LRIG3: variants seen among roughly 807,000 people sequenced by gnomAD.
LRIG3 encodes leucine rich repeats and immunoglobulin like domains 3.
Under a neutral mutation model 114.5 loss-of-function variants are expected in LRIG3, and 76 were observed. The observed-to-expected ratio is 0.66, with a 90% CI of 0.55 to 0.80. The LOEUF (loss-of-function observed/expected upper bound fraction) is 0.80, where lower values mean the gene tolerates loss of function less well. Among genes scored for constraint, LRIG3 ranks in the 30% least tolerant of loss-of-function variants. LRIG3 has a pLI of 0.00. For missense variants in LRIG3, 1,239 were observed against 1,382.8 expected (o/e 0.90, Z 1.65); for synonymous variants, 512 against 519.8 (o/e 0.98, Z 0.20).
chr12:58,877,913 T>C (rs1592293501), intron 14 of LRIG3, 61 bp from the exon 15 acceptor site: 2 of 1,471,910 alleles, frequency 1.4e-6, no homozygotes, highest in Middle Eastern at 2.0e-4. Flanking sequence ...TATCATAAAA[T>C]GTAGCATTTA....
At chr12:58,889,808 G>T (rs1871391552) in intron 5 of LRIG3, among the ~76,000 whole-genome samples, 188 bp downstream of exon 5, 1 of 152,010 alleles carries the variant, frequency 6.6e-6, no homozygotes, top group South Asian at 2.1e-4. Context: ...AGCAGCAGCT[G>T]GCACGAGGTG....
At position 58,883,569 on chromosome 12, in the gene LRIG3, T is replaced by C. The variant is rs1230408875; in HGVS notation, c.1267A>G (p.Met423Val). The change falls in exon 11 of 19, where the codon ATG (methionine) becomes GTG (valine). Residue 423 changes from methionine to valine, a missense_variant. Transcript: ENST00000320743. ...EHLDLSDNAI[M>V]SLQGNAFSQM... ...GAAAATGCATTGCCTTGTAAAGACA[T>C]GATTGCGTTGTCACTCAGGTCTCTG... 1.9e-6 allele frequency: 3 copies of C among 1,550,130 alleles called. No individual in the cohort carries two copies.
At chr12:58,910,598 ACTCCGT>A (rs1872239805) in intron 3 of LRIG3, among the ~76,000 whole-genome samples, 1 of 151,866 alleles carries the variant, frequency 6.6e-6, no homozygotes, top group Non-Finnish European at 1.5e-5. Flanking sequence ...ACACTGCGAG[ACTCCGT>A]CTCAAAAAAA....
chr12:58,887,961 CTTTTATT>C (rs779834464), intron 7 of LRIG3, 29 bp from the exon 8 acceptor site: 1 of 1,597,492 alleles, frequency 6.3e-7, no homozygotes, highest in Non-Finnish European at 8.6e-7. Context: ...AAAGCAATAG[CTTTTATT>C]TTTCAATTCA....
intron 3 of LRIG3, among the ~76,000 whole-genome samples, chr12:58,908,236 A>T (rs1872140494): frequency 1.3e-5 from 2 of 152,212 alleles, no homozygotes; most frequent in Admixed American, 6.5e-5. Context: ...TTATGACACC[A>T]GCAAGGTACT....
rs768841082 is a variant in LRIG3, at chr12:58,914,255, G to A, written c.308+10C>T. On this transcript the variant is annotated intron_variant, in intron 2 of 18. Coordinates refer to ENST00000320743, the MANE Select transcript of LRIG3 (RefSeq NM_153377.5). ...ACTCAAACCTTAAAAACAAAATAAC[G>A]AAGACTCACACTTCTCGAAGGCTTT... The A allele has an allele frequency of 3.1e-6, 5 of 1,612,710 alleles. No individual in the cohort carries two copies. Among genetic ancestry groups the A allele is most frequent in the African/African-American group, 2.7e-5 (2 of 74,934 alleles).
At chr12:58,909,632 C>CT (rs1872197199) in intron 3 of LRIG3, among the ~76,000 whole-genome samples, 2 of 152,220 alleles carry the variant, frequency 1.3e-5, no homozygotes, top group African/African-American at 4.8e-5. Flanking sequence ...TGCAAGACAG[C>CT]TTTACCTGTA....
rs116527256 is a variant in LRIG3, at chr12:58,899,284, A to G, written c.384-8488T>C. ...TTCAATCTAGAAATGTATATTCCTC[A>G]CTTCCAGGAAATTCAAAATTTTGTA... On this transcript the variant is annotated intron_variant, in intron 3 of 18. Coordinates refer to ENST00000320743, the MANE Select transcript of LRIG3 (RefSeq NM_153377.5). Among the ~76,000 whole-genome samples, 494 of 152,304 alleles carry G rather than the reference A, an allele frequency of 3.2e-3. 1 individual carries two copies. The highest frequency in any genetic ancestry group is 0.012 in the African/African-American group (480 of 41,564).
chr12:58,884,326 G>A (rs752639161), intron 10 of LRIG3, among the ~76,000 whole-genome samples: 2 of 152,168 alleles, frequency 1.3e-5, no homozygotes, highest in Admixed American at 6.5e-5. Flanking sequence ...TCACCACAAT[G>A]ATTACCACTC....
chr12:58,879,337 T>C (rs1592294270), intron 13 of LRIG3, among the ~76,000 whole-genome samples: 1 of 152,166 alleles, frequency 6.6e-6, no homozygotes, highest in Admixed American at 6.5e-5. Context: ...AAAACAGAGG[T>C]CATCTGATTC....
intron 8 of LRIG3, chr12:58,887,141 T>TGG: frequency 4.6e-6 from 2 of 438,972 alleles, no homozygotes; most frequent in Non-Finnish European, 8.1e-6. Flanking sequence ...TCTATCAAAA[T>TGG]GACTACATTC....
In LRIG3 at chr12:58,886,891, CTAATTT is replaced by C; in HGVS notation, c.1092-7_1092-2del. On this transcript the variant is annotated splice_acceptor_variant and splice_polypyrimidine_tract_variant and intron_variant, in intron 8 of 18. Coordinates refer to ENST00000320743, the MANE Select transcript of LRIG3 (RefSeq NM_153377.5). LOFTEE classifies it high-confidence loss of function. ...GGAAATTTCATTGTTCTTCAGATCC[CTAATTT>C]TAAAAGAAGCATTCCCTTTAGAGTG... The C allele has an allele frequency of 6.2e-7, 1 of 1,611,696 alleles. No individual in the cohort carries two copies. The highest frequency in any genetic ancestry group is 1.3e-5 in the African/African-American group (1 of 74,926).
rs1284484027 is a variant in LRIG3 at position 58,920,250 on chromosome 12, C to G, written c.-15G>C. On this transcript the variant is annotated 5_prime_UTR_variant, in exon 1 of 19. Coordinates refer to ENST00000320743, the MANE Select transcript of LRIG3 (RefSeq NM_153377.5). ...GGCGCGCTCATCGCGGTCCAGCGGC[C>G]TAGGTCTCTACCCGAAGCTCCCAGC... The G allele has an allele frequency of 2.2e-6, 3 of 1,352,108 alleles. No individual in the cohort carries two copies. In the African/African-American group the frequency reaches 4.6e-5, roughly 21 times the overall value. The allele number at this position is 1,352,108 out of a possible 1,614,324, so 83.8% of individuals were successfully genotyped here. A position where few individuals can be genotyped will look rare whatever the true frequency, so the allele number is the denominator to read the frequency against.
chr12:58,890,661 T>G lies in LRIG3; in HGVS notation c.515+4A>C. 6.4e-7 allele frequency: 1 copy of G among 1,565,690 alleles called. No homozygotes were observed. The highest frequency in any genetic ancestry group is 8.6e-7 in the Non-Finnish European group (1 of 1,160,160). On this transcript the variant is annotated splice_donor_region_variant and intron_variant, in intron 4 of 18. Coordinates refer to ENST00000320743, the MANE Select transcript of LRIG3 (RefSeq NM_153377.5). ...AAGTTTTTGCTAAAGAAAACTTCAC[T>G]TACAGATATTTGAGCTGTAGGGCTG...
At chr12:58,914,197 T>A in intron 2 of LRIG3, 68 bp downstream of exon 2, 1 of 1,524,648 alleles carries the variant, frequency 6.6e-7, no homozygotes, top group Non-Finnish European at 9.0e-7. Context: ...AAGTATTCCT[T>A]ACGGTTAAAT....
chr12:58,876,762 G>A (rs895360847), intron 15 of LRIG3, among the ~76,000 whole-genome samples, 159 bp from the exon 16 acceptor site: 7 of 152,122 alleles, frequency 4.6e-5, no homozygotes, highest in Non-Finnish European at 8.8e-5. Flanking sequence ...ATTCTGGAAC[G>A]GCAAATTAGG....
chr12:58,883,584 T>C lies in LRIG3; in HGVS notation c.1252A>G (p.Ser418Gly), dbSNP rs1011499126. 2 of 1,544,404 alleles carry C rather than the reference T, an allele frequency of 1.3e-6. No homozygotes were observed. Among genetic ancestry groups the C allele is most frequent in the Admixed American group, 1.7e-5 (1 of 58,712 alleles). The change falls in exon 11 of 19, where the codon AGT becomes GGT. Residue 418 changes from serine (S) to glycine (G), a missense_variant. Coordinates refer to ENST00000320743, the MANE Select transcript of LRIG3 (RefSeq NM_153377.5). Reference protein sequence around the residue: ...GLDALEHLDLSDNAIMSLQGN... With the variant: ...GLDALEHLDLGDNAIMSLQGN... The stretch of plus-strand genomic sequence containing the variant: ...TGTAAAGACATGATTGCGTTGTCAC[T>C]CAGGTCTCTGAAAAATCACCAAATC...
chr12:58,897,526 C>T (rs948265308), intron 3 of LRIG3, among the ~76,000 whole-genome samples: 2 of 152,162 alleles, frequency 1.3e-5, no homozygotes, highest in Non-Finnish European at 2.9e-5. Flanking sequence ...GGGAGGATTA[C>T]TTAAGGCCAG....
chr12:58,898,443 C>G (rs1165186608), intron 3 of LRIG3, among the ~76,000 whole-genome samples: 1 of 152,262 alleles, frequency 6.6e-6, no homozygotes, highest in East Asian at 1.9e-4. Flanking sequence ...TAGAACCTAC[C>G]CTCCCTCTTG....
Sources: gnomAD v4.1 joint callset for allele counts (sites outside exome capture counted in the v4.1 genomes callset) on GRCh38, gnomAD v4.1.1 for gene constraint, MANE v1.5 for transcripts, NCBI Gene and HGNC (gene_info 2026-07-23, HGNC 2026-07-21) for gene names.